The following DLGAP2 variants were observed in gnomAD, a reference collection of about 807,000 sequenced individuals.
The protein encoded by DLGAP2 is DLG associated protein 2, also known as disks large-associated protein 2.
Under a neutral mutation model 100.3 loss-of-function variants are expected in DLGAP2, and 26 were observed. That is an observed-to-expected ratio of 0.26 (90% confidence interval 0.19 to 0.36). The LOEUF (loss-of-function observed/expected upper bound fraction) is 0.36. Ranked by LOEUF, DLGAP2 falls within the 10% of genes least tolerant of loss-of-function variation. DLGAP2 has a pLI of 1.00. For missense variants in DLGAP2, 1,858 were observed against 1,453.2 expected, an observed-to-expected ratio of 1.28 and a Z score of -4.53; for synonymous variants, 886 against 630.1, an observed-to-expected ratio of 1.41 and a Z score of -6.08.
intron 2 of DLGAP2, among the ~76,000 whole-genome samples, chr8:976,383 G>A (rs1201032645): frequency 3.9e-5 from 6 of 152,002 alleles, no homozygotes; most frequent in South Asian, 2.1e-4. Flanking sequence ...AGATCGAGGC[G>A]GGCGGATCAC....
chr8:1,330,696 G>C (rs1366863719), intron 3 of DLGAP2, among the ~76,000 whole-genome samples: 1 of 145,718 alleles, frequency 6.9e-6, no homozygotes, highest in East Asian at 2.1e-4. Context: ...CTGAGTTCTG[G>C]GTGGGATTGA....
intron 2 of DLGAP2, among the ~76,000 whole-genome samples, chr8:1,157,347 C>T (rs1271868373): frequency 5.9e-5 from 9 of 152,172 alleles, no homozygotes; most frequent in Non-Finnish European, 1.2e-4. Context: ...CCAGCGACGA[C>T]GGCCCTCAGG....
At chr8:1,495,986 C>T (rs1478357910) in intron 3 of DLGAP2, among the ~76,000 whole-genome samples, 20 of 152,102 alleles carry the variant, frequency 1.3e-4, no homozygotes, top group Non-Finnish European at 1.5e-5. Flanking sequence ...TGTGAGTATT[C>T]CCAGGCAGTG....
chr8:1,600,081 T>G (rs1046573728), intron 6 of DLGAP2, among the ~76,000 whole-genome samples: 1 of 152,176 alleles, frequency 6.6e-6, no homozygotes, highest in African/African-American at 2.4e-5. Context: ...TGATAATATC[T>G]CCCAGCATTT....
intron 2 of DLGAP2, among the ~76,000 whole-genome samples, chr8:994,850 G>A (rs767286594): frequency 3.9e-5 from 6 of 152,120 alleles, no homozygotes; most frequent in East Asian, 1.9e-4. Context: ...TCCAGTTTAC[G>A]GACTGCTGGG....
At chr8:1,314,811 G>A (rs1800692942) in intron 3 of DLGAP2, among the ~76,000 whole-genome samples, 1 of 152,222 alleles carries the variant, frequency 6.6e-6, no homozygotes, top group Non-Finnish European at 1.5e-5. Context: ...TCATTATGAA[G>A]GATACACACA....
intron 5 of DLGAP2, among the ~76,000 whole-genome samples, chr8:1,561,607 C>T (rs988483496): frequency 2.0e-5 from 3 of 152,202 alleles, no homozygotes; most frequent in Admixed American, 6.5e-5. Flanking sequence ...TGTGCCTGGG[C>T]CACCTTGGGG....
chr8:1,693,026 T>C (rs915394582), intron 13 of DLGAP2, among the ~76,000 whole-genome samples: 4 of 148,220 alleles, frequency 2.7e-5, no homozygotes, highest in African/African-American at 9.8e-5. Flanking sequence ...TATATGTTTA[T>C]ATATACACCT....
chr8:1,364,709 C>T (rs928497199), intron 3 of DLGAP2, among the ~76,000 whole-genome samples: 3 of 152,198 alleles, frequency 2.0e-5, no homozygotes, highest in South Asian at 2.1e-4. Flanking sequence ...TTAAAGCTTG[C>T]GTGGGGGAGA....
chr8:849,761 G>C (rs1441354095), intron 1 of DLGAP2, among the ~76,000 whole-genome samples: 1 of 152,124 alleles, frequency 6.6e-6, no homozygotes, highest in African/African-American at 2.4e-5. Flanking sequence ...TGAAATGTCT[G>C]TTCAAATCTT....
At chr8:1,540,098 C>T (rs751359662) in intron 4 of DLGAP2, among the ~76,000 whole-genome samples, 2 of 152,198 alleles carry the variant, frequency 1.3e-5, no homozygotes, top group Non-Finnish European at 2.9e-5. Context: ...GGCACCAACT[C>T]AGAGCTGTGG....
intron 2 of DLGAP2, among the ~76,000 whole-genome samples, chr8:919,390 A>C (rs1798661199): frequency 6.6e-6 from 1 of 152,146 alleles, no homozygotes; most frequent in African/African-American, 2.4e-5. Context: ...GTTTGCCTAA[A>C]GTACTAGGTT....
intron 1 of DLGAP2, among the ~76,000 whole-genome samples, chr8:752,443 G>A (rs188672460): frequency 6.6e-6 from 1 of 152,334 alleles, no homozygotes; most frequent in East Asian, 1.9e-4. Context: ...CAGGCAAGAA[G>A]CACAGATGTG....
In DLGAP2 at chr8:1,202,017, CTA is replaced by C. The variant is rs1475211372; in HGVS notation, c.74-56832_74-56831del. 2.0e-5 allele frequency among the ~76,000 whole-genome samples: 3 copies of C among 150,806 alleles called. No individual in the cohort carries two copies. The East Asian group carries it at 5.9e-4, about 30-fold the overall frequency. ...GTGGTGTGTGTGTATACACATGTGT[CTA>C]TGTACATGTGTGCACATGTGCAGTA... On this transcript the variant is annotated intron_variant, in intron 2 of 14. Coordinates refer to ENST00000637795, the MANE Select transcript of DLGAP2 (RefSeq NM_001346810.2).
intron 2 of DLGAP2, among the ~76,000 whole-genome samples, chr8:1,217,286 G>A (rs560483491): frequency 1.7e-3 from 266 of 152,258 alleles, no homozygotes; most frequent in African/African-American, 6.2e-3. Context: ...CAAAGGATAT[G>A]ATCTTGTTTT....
rs1165519316 is a variant in DLGAP2 at position 1,186,417 on chromosome 8, A to G, written c.74-72434A>G. ...GAGAAACGGGTGGGGGACAGTTCCCAGGCCTCCTCTCCAGCCCGCTGTGCA... is the reference window on the plus strand; with the variant it reads ...GAGAAACGGGTGGGGGACAGTTCCCGGGCCTCCTCTCCAGCCCGCTGTGCA... On this transcript the variant is annotated intron_variant, in intron 2 of 14. Coordinates refer to ENST00000637795, the MANE Select transcript of DLGAP2 (RefSeq NM_001346810.2). 3.3e-5 allele frequency among the ~76,000 whole-genome samples: 5 copies of G among 152,210 alleles called. No individual in the cohort carries two copies. The East Asian group carries it at 5.8e-4, about 18-fold the overall frequency.
chr8:823,810 G>C (rs780296691), intron 1 of DLGAP2, among the ~76,000 whole-genome samples: 2 of 152,208 alleles, frequency 1.3e-5, no homozygotes, highest in South Asian at 4.1e-4. Context: ...GGAGCCCGGG[G>C]CAGCCAGGAC....
intron 6 of DLGAP2, among the ~76,000 whole-genome samples, chr8:1,579,274 C>G (rs1803126094): frequency 6.6e-6 from 1 of 151,948 alleles, no homozygotes. Context: ...AAGATAAATT[C>G]TGATGGATTA....
chr8:1,415,501 G>T (rs532321070), intron 3 of DLGAP2, among the ~76,000 whole-genome samples: 1 of 151,876 alleles, frequency 6.6e-6, no homozygotes, highest in Non-Finnish European at 1.5e-5. Flanking sequence ...TCTGCTGTTC[G>T]CACCTTTATG....
Sources: gnomAD v4.1 joint callset for allele counts (sites outside exome capture counted in the v4.1 genomes callset) on GRCh38, gnomAD v4.1.1 for gene constraint, MANE v1.5 for transcripts, NCBI Gene and HGNC (gene_info 2026-07-23, HGNC 2026-07-21) for gene names.